The following TOR1AIP2 variants were observed in gnomAD, a reference collection of about 807,000 sequenced individuals.
TOR1AIP2 encodes the protein torsin 1A interacting protein 2.
A neutral mutation model predicts 32.6 loss-of-function variants in TOR1AIP2; 20 were observed. The ratio of observed to expected loss-of-function variants is 0.61; its 90% CI spans 0.43 to 0.89. TOR1AIP2 has a LOEUF of 0.89. Ranked by LOEUF, TOR1AIP2 falls within the 40% of genes least tolerant of loss-of-function variation. The pLI, the probability that TOR1AIP2 is intolerant of heterozygous loss-of-function variation, is 0.00. For synonymous variants in TOR1AIP2, 214 were observed against 210.8 expected, an observed-to-expected ratio of 1.02 and a Z score of -0.13; for missense variants, 456 against 553.8, an observed-to-expected ratio of 0.82 and a Z score of 1.77.
chr1:179,846,857 A>G (rs2092225312), intron 6 of TOR1AIP2, 29 bp from the exon 7 acceptor site: 5 of 1,551,040 alleles, frequency 3.2e-6, no homozygotes, highest in Non-Finnish European at 4.3e-6. Context: ...AGGAATAGAA[A>G]ATTACAGAGA....
At position 179,864,012 on chromosome 1, in the gene TOR1AIP2, T is replaced by C. The variant is rs895995265; in HGVS notation, c.-147+1424A>G. On this transcript the variant is annotated intron_variant, in intron 3 of 6. Transcript: ENST00000609928. ...ATTTCTTTTGTCATACATCTCCTGATAGGTACTTTTCCATTTCCAGGGGAG... is the reference window on the plus strand; with the variant it reads ...ATTTCTTTTGTCATACATCTCCTGACAGGTACTTTTCCATTTCCAGGGGAG... The C allele has an allele frequency of 4.1e-6, 4 of 985,336 alleles. No homozygotes were observed. In the African/African-American group the frequency reaches 7.0e-5, roughly 17 times the overall value. The allele number at this position is 985,336 out of a possible 1,614,324, so 61.0% of individuals were successfully genotyped here.
intron 2 of TOR1AIP2, among the ~76,000 whole-genome samples, chr1:179,871,546 T>C (rs1455438131): frequency 6.6e-6 from 1 of 152,250 alleles, no homozygotes; most frequent in Admixed American, 6.5e-5. Context: ...TTTTTTGTGG[T>C]AGCATAATAA....
intron 3 of TOR1AIP2, chr1:179,864,218 G>A (rs1357620787): frequency 1.0e-6 from 1 of 985,266 alleles, no homozygotes; most frequent in African/African-American, 1.7e-5. Context: ...ACTGAGGATG[G>A]GCCAAACAGG....
At position 179,840,923 on chromosome 1, in the gene TOR1AIP2, T is replaced by C. The variant is rs1695701967; in HGVS notation, c.*5148A>G. 7.9e-6 allele frequency: 1 copy of C among 126,888 alleles called. No individual in the cohort carries two copies. The highest frequency in any genetic ancestry group is 1.6e-5 in the Non-Finnish European group (1 of 63,518). The allele number at this position is 126,888 out of a possible 1,614,324, so 7.9% of individuals were successfully genotyped here. ...AATAATAATAATAATAATAAAGAAG[T>C]TATAGCACAGTTTATTAGCTAGAAA... On this transcript the variant is annotated 3_prime_UTR_variant, in exon 7 of 7. Coordinates refer to ENST00000609928, the MANE Select transcript of TOR1AIP2 (RefSeq NM_001199260.2).
intron 2 of TOR1AIP2, chr1:179,874,365 G>A (rs906461818): frequency 6.6e-6 from 1 of 152,252 alleles, no homozygotes; most frequent in African/African-American, 2.4e-5. Flanking sequence ...AGTAAGCCAT[G>A]ATAGTGCCAC....
intron 4 of TOR1AIP2, among the ~76,000 whole-genome samples, chr1:179,852,212 G>A (rs1003848532): frequency 4.0e-5 from 6 of 151,828 alleles, no homozygotes; most frequent in East Asian, 3.9e-4. Context: ...CCCGGGAGGC[G>A]GAGGTTGCAG....
intron 2 of TOR1AIP2, among the ~76,000 whole-genome samples, chr1:179,872,741 A>C (rs528652391): frequency 2.6e-5 from 4 of 152,154 alleles, no homozygotes; most frequent in Non-Finnish European, 2.9e-5. Flanking sequence ...GTTTCGGTTG[A>C]CCACGTAGAG....
At chr1:179,850,460 C>T (rs535413231) in intron 5 of TOR1AIP2, among the ~76,000 whole-genome samples, 190 of 152,308 alleles carry the variant, frequency 1.2e-3, no homozygotes, top group African/African-American at 4.2e-3. Context: ...ATTTATGTAA[C>T]ATTTAGTTTC....
At chr1:179,860,684 C>T (rs770733417) in intron 3 of TOR1AIP2, 4 of 984,540 alleles carry the variant, frequency 4.1e-6, no homozygotes, top group Non-Finnish European at 4.8e-6. Flanking sequence ...AAACTAGATA[C>T]AGAGAGGTTA....
chr1:179,870,573 T>C (rs1696977255), intron 2 of TOR1AIP2, among the ~76,000 whole-genome samples: 1 of 152,134 alleles, frequency 6.6e-6, no homozygotes, highest in African/African-American at 2.4e-5. Flanking sequence ...CCTCCTCCAT[T>C]TTGGAAAGAT....
At chr1:179,849,562 A>G (rs1440909854) in intron 5 of TOR1AIP2, among the ~76,000 whole-genome samples, 2 of 152,180 alleles carry the variant, frequency 1.3e-5, no homozygotes, top group African/African-American at 4.8e-5. Context: ...TTCTACTCAC[A>G]GTGAACCTGC....
intron 3 of TOR1AIP2, 140 bp downstream of exon 3, chr1:179,865,296 A>G (rs1370639151): frequency 7.6e-7 from 1 of 1,317,348 alleles, no homozygotes; most frequent in African/African-American, 1.5e-5. Flanking sequence ...AGTTCAACCA[A>G]TATTATTTGG....
intron 3 of TOR1AIP2, among the ~76,000 whole-genome samples, chr1:179,853,793 A>C (rs58392320): frequency 0.13 from 20,521 of 152,256 alleles, 1,762 homozygotes; most frequent in Non-Finnish European, 0.17. Flanking sequence ...ATGAAAAAAT[A>C]AATGAATGTA....
At chr1:179,868,977 G>A (rs1696907270) in intron 2 of TOR1AIP2, 1 of 152,222 alleles carries the variant, frequency 6.6e-6, no homozygotes, top group Admixed American at 6.6e-5. Context: ...CGAGTAGCTG[G>A]GATTACAGGT....
intron 3 of TOR1AIP2, chr1:179,864,748 C>T: frequency 1.3e-6 from 2 of 1,545,300 alleles, no homozygotes; most frequent in Non-Finnish European, 1.7e-6. Flanking sequence ...ACACAAAAGC[C>T]TCTAGACTTG....
chr1:179,863,909 T>A (rs934909407), intron 3 of TOR1AIP2: 1 of 985,282 alleles, frequency 1.0e-6, no homozygotes, highest in African/African-American at 1.7e-5. Flanking sequence ...ATGTGGCCAA[T>A]GTTCAGCAGA....
At chr1:179,864,137 C>T (rs1004127971) in intron 3 of TOR1AIP2, 2 of 985,408 alleles carry the variant, frequency 2.0e-6, no homozygotes, top group Non-Finnish European at 2.4e-6. Flanking sequence ...TTCTGCATAA[C>T]CTATATAGGT....
At chr1:179,859,977 C>T (rs1274378863) in intron 3 of TOR1AIP2, 14 of 565,936 alleles carry the variant, frequency 2.5e-5, no homozygotes, top group Non-Finnish European at 2.9e-5. Flanking sequence ...GCTGGGACTA[C>T]AGGCACATAC....
At chr1:179,847,093 A>G (rs949431582) in intron 6 of TOR1AIP2, among the ~76,000 whole-genome samples, 3 of 152,258 alleles carry the variant, frequency 2.0e-5, no homozygotes, top group African/African-American at 7.2e-5. Flanking sequence ...TTTTAAAAAT[A>G]AAAGGTAAAA....
Sources: gnomAD v4.1 joint callset for allele counts (sites outside exome capture counted in the v4.1 genomes callset) on GRCh38, gnomAD v4.1.1 for gene constraint, MANE v1.5 for transcripts, NCBI Gene and HGNC (gene_info 2026-07-23, HGNC 2026-07-21) for gene names.